MMP26: variants seen among roughly 807,000 people sequenced by gnomAD.
The protein encoded by MMP26 is matrix metallopeptidase 26, also known as matrix metalloproteinase-26.
MMP26 carries 33 observed loss-of-function variants against 31.0 expected under a neutral mutation model. The ratio of observed to expected loss-of-function variants is 1.06; its 90% CI spans 0.81 to 1.42. MMP26 has a LOEUF of 1.42. MMP26 is among the 40% of genes most tolerant of loss of function. The pLI, the probability that MMP26 is intolerant of heterozygous loss-of-function variation, is 0.00. For missense variants in MMP26, 347 were observed against 316.1 expected, an observed-to-expected ratio of 1.10 and a Z score of -0.74; for synonymous variants, 122 against 114.9, an observed-to-expected ratio of 1.06 and a Z score of -0.40.
chr11:4,764,642 G>A (rs576248608), intron 1 of MMP26, among the ~76,000 whole-genome samples: 1 of 152,172 alleles, frequency 6.6e-6, no homozygotes, highest in Non-Finnish European at 1.5e-5. Flanking sequence ...AGGCCGAGGC[G>A]GGTGGATCAC....
chr11:4,949,762 T>C (rs537653658), intron 2 of MMP26, among the ~76,000 whole-genome samples: 3 of 124,144 alleles, frequency 2.4e-5, no homozygotes, highest in African/African-American at 8.1e-5. Flanking sequence ...AGCAGAAATT[T>C]CATTCCTTAA....
rs150620000 is a variant in MMP26 at position 4,918,964 on chromosome 11, G to T, written c.-144-69104G>T. Among the ~76,000 whole-genome samples, 367 of 152,268 alleles carry T rather than the reference G, an allele frequency of 2.4e-3. 2 individuals are homozygous for T. The highest frequency in any genetic ancestry group is 3.3e-3 in the Non-Finnish European group (226 of 68,036). ...ATGTTGACCTTTAATAACCGAGCTCGTTTCATGCCTGCATGACAATTTTGC... is the reference window on the plus strand; with the variant it reads ...ATGTTGACCTTTAATAACCGAGCTCTTTTCATGCCTGCATGACAATTTTGC... On this transcript the variant is annotated intron_variant, in intron 2 of 7. Coordinates refer to ENST00000380390, the MANE Select transcript of MMP26 (RefSeq NM_021801.5).
chr11:4,977,346 T>C lies in MMP26; in HGVS notation c.-144-10722T>C, dbSNP rs144718586. ...AGCTATATTTAATCTTGAAGAGATC[T>C]CTAGGGCTAAAATGATCCCACTTCA... On this transcript the variant is annotated intron_variant, in intron 2 of 7. Coordinates refer to ENST00000380390, the MANE Select transcript of MMP26 (RefSeq NM_021801.5). Among the ~76,000 whole-genome samples, 994 of 152,232 alleles carry C rather than the reference T, an allele frequency of 6.5e-3. 8 individuals carry two copies. The highest frequency in any genetic ancestry group is 0.014 in the Middle Eastern group (4 of 294).
At chr11:4,970,718 C>T (rs759791349) in intron 2 of MMP26, among the ~76,000 whole-genome samples, 2 of 152,166 alleles carry the variant, frequency 1.3e-5, no homozygotes, top group Admixed American at 1.3e-4. Context: ...ATGGTCTGTC[C>T]TTGAACCCTT....
intron 2 of MMP26, among the ~76,000 whole-genome samples, chr11:4,915,916 G>C (rs973265464): frequency 2.6e-5 from 4 of 152,138 alleles, no homozygotes; most frequent in Non-Finnish European, 5.9e-5. Context: ...GCCAAACTGG[G>C]TGAGTTGGAG....
chr11:4,925,941 A>T (rs1171983563), intron 2 of MMP26, among the ~76,000 whole-genome samples: 1 of 152,196 alleles, frequency 6.6e-6, no homozygotes, highest in Non-Finnish European at 1.5e-5. Flanking sequence ...TTAAGTAAAA[A>T]GTTTATATTC....
intron 2 of MMP26, among the ~76,000 whole-genome samples, chr11:4,854,915 G>A (rs1027859465): frequency 6.6e-6 from 1 of 152,218 alleles, no homozygotes; most frequent in Non-Finnish European, 1.5e-5. Flanking sequence ...AATATTTGCT[G>A]TTCTGCAGCC....
chr11:4,708,183 C>T (rs1483617215), intron 1 of MMP26, among the ~76,000 whole-genome samples: 2 of 152,160 alleles, frequency 1.3e-5, no homozygotes, highest in Non-Finnish European at 2.9e-5. Context: ...TGAAGCTTAT[C>T]TTCCAACTGA....
chr11:4,860,854 C>T (rs1850143899), intron 2 of MMP26, among the ~76,000 whole-genome samples: 1 of 151,818 alleles, frequency 6.6e-6, no homozygotes, highest in Admixed American at 6.6e-5. Context: ...TTTGATATCT[C>T]CTTTGATATC....
At chr11:4,882,360 C>T in intron 2 of MMP26, 1 of 1,613,852 alleles carries the variant, frequency 6.2e-7, no homozygotes, top group East Asian at 2.2e-5. Context: ...TGCATTAGAC[C>T]AGCAGTTTTC....
At chr11:4,966,394 G>A (rs1289243304) in intron 2 of MMP26, among the ~76,000 whole-genome samples, 2 of 152,154 alleles carry the variant, frequency 1.3e-5, no homozygotes, top group Non-Finnish European at 2.9e-5. Flanking sequence ...CCACCAGGGT[G>A]ATCAGGCATC....
rs780395331 is a variant in MMP26, at chr11:4,821,395, A to G, written c.-145+54054A>G. 1.9e-6 allele frequency: 3 copies of G among 1,612,960 alleles called. No individual in the cohort carries two copies. The South Asian group carries it at 3.3e-5, about 18-fold the overall frequency. ...TTATGTGTTATGTTAAATGACTGAA[A>G]CATCCCTGTCTTCTCAGTGCTTCCC... On this transcript the variant is annotated intron_variant, in intron 2 of 7. Transcript: ENST00000380390.
Position 4,801,504 on chromosome 11 carries a change from TTTTATTTATTTATTTATTTATTTA to T in MMP26, c.-145+34195_-145+34218del, listed in dbSNP as rs141208345. 4.2e-4 allele frequency among the ~76,000 whole-genome samples: 57 copies of T among 135,722 alleles called. 1 individual carries two copies. Among genetic ancestry groups the T allele is most frequent in the African/African-American group, 1.1e-3 (38 of 36,116 alleles). The allele number at this position is 135,722 out of a possible 152,430, so 89.0% of individuals were successfully genotyped here. A position where few individuals can be genotyped will look rare whatever the true frequency, so the allele number is the denominator to read the frequency against. ...AAGGGGGAGGGGGAGGTCCCGGACT[TTTTATTTATTTATTTATTTATTTA>T]TTTATTTATTTATTTATTTATTTAT... On this transcript the variant is annotated intron_variant, in intron 2 of 7. Transcript: ENST00000380390.
intron 2 of MMP26, among the ~76,000 whole-genome samples, chr11:4,917,144 C>T (rs1851108028): frequency 1.6e-5 from 1 of 63,766 alleles, no homozygotes; most frequent in Non-Finnish European, 3.3e-5. Flanking sequence ...CAGCAGATGC[C>T]AAGAATGTTT....
chr11:4,771,664 T>A (rs1301681892), intron 2 of MMP26, among the ~76,000 whole-genome samples: 1 of 152,170 alleles, frequency 6.6e-6, no homozygotes, highest in Non-Finnish European at 1.5e-5. Flanking sequence ...CTTTAAAAAA[T>A]TAGATGTGTC....
chr11:4,899,520 A>G (rs1850770869), intron 2 of MMP26, among the ~76,000 whole-genome samples: 1 of 152,126 alleles, frequency 6.6e-6, no homozygotes, highest in Non-Finnish European at 1.5e-5. Flanking sequence ...AAAGGGTAAA[A>G]ATGTCTCTAT....
At chr11:4,752,980 T>A (rs1848465264) in intron 1 of MMP26, 1 of 152,200 alleles carries the variant, frequency 6.6e-6, no homozygotes, top group African/African-American at 2.4e-5. Flanking sequence ...ACTGGCATTA[T>A]GGCCTTTGGG....
In MMP26 at chr11:4,953,107, A is replaced by G. The variant is rs1412702426; in HGVS notation, c.-144-34961A>G. ...ATTTTTCAGCCACAAATCTAAAGCA[A>G]TAAATTTCTCTTTGTACCATATCTT... On this transcript the variant is annotated intron_variant, in intron 2 of 7. Transcript: ENST00000380390. Among the ~76,000 whole-genome samples the G allele has an allele frequency of 1.6e-5, 2 of 125,698 alleles. 1 individual carries two copies. The highest frequency in any genetic ancestry group is 5.4e-5 in the African/African-American group (2 of 36,954). 82.5% of individuals were successfully genotyped at this position (125,698 alleles called of 152,430 possible). A position where few individuals can be genotyped will look rare whatever the true frequency, so the allele number is the denominator to read the frequency against.
chr11:4,846,922 T>C (rs1849878509), intron 2 of MMP26, among the ~76,000 whole-genome samples: 1 of 152,158 alleles, frequency 6.6e-6, no homozygotes, highest in Non-Finnish European at 1.5e-5. Context: ...CACTGGTCAG[T>C]AGGTTGTCAG....
Sources: allele counts gnomAD v4.1 joint callset (sites outside exome capture counted in the v4.1 genomes callset), GRCh38; gene constraint gnomAD v4.1.1; transcripts MANE v1.5; gene names NCBI Gene and HGNC (gene_info 2026-07-23, HGNC 2026-07-21).